KATNIP: variants seen among roughly 807,000 people sequenced by gnomAD.
KATNIP encodes the protein katanin-interacting protein.
A neutral mutation model predicts 174.0 loss-of-function variants in KATNIP; 126 were observed. That is an observed-to-expected ratio of 0.72 (90% confidence interval 0.63 to 0.84). The LOEUF (loss-of-function observed/expected upper bound fraction) is 0.84, where lower values mean the gene tolerates loss of function less well. Among genes scored for constraint, KATNIP ranks in the 40% least tolerant of loss-of-function variants. The pLI is 0.00. For synonymous variants in KATNIP, 810 were observed against 835.7 expected (o/e 0.97, Z 0.53); for missense variants, 1,958 against 2,109.7 (o/e 0.93, Z 1.41).
intron 13 of KATNIP, among the ~76,000 whole-genome samples, chr16:27,713,802 G>GTGTGTGTA (rs1381722732): frequency 4.3e-5 from 2 of 46,322 alleles, no homozygotes; most frequent in African/African-American, 2.0e-4. Context: ...GTGTGTGTGT[G>GTGTGTGTA]TATATACATA....
At chr16:27,615,029 G>T (rs2076000213) in intron 2 of KATNIP, among the ~76,000 whole-genome samples, 1 of 152,236 alleles carries the variant, frequency 6.6e-6, no homozygotes, top group Admixed American at 6.5e-5. Flanking sequence ...TTCCACAATT[G>T]AGGGCACAGG....
At chr16:27,639,818 C>T (rs2076742117) in intron 5 of KATNIP, among the ~76,000 whole-genome samples, 1 of 152,208 alleles carries the variant, frequency 6.6e-6, no homozygotes, top group South Asian at 2.1e-4. Flanking sequence ...AGTGACCTTG[C>T]ACAACACAGA....
intron 6 of KATNIP, among the ~76,000 whole-genome samples, chr16:27,662,059 T>TATATATACACATAC (rs1357721977): frequency 2.1e-5 from 2 of 95,322 alleles, no homozygotes; most frequent in African/African-American, 4.9e-5. Context: ...CATATATATA[T>TATATATACACATAC]ATATATATAT....
At chr16:27,646,393 C>T (rs141262335) in intron 5 of KATNIP, among the ~76,000 whole-genome samples, 4 of 152,274 alleles carry the variant, frequency 2.6e-5, no homozygotes, top group Non-Finnish European at 5.9e-5. Flanking sequence ...GCCTTAGGTC[C>T]GTTTCTATCC....
At chr16:27,598,871 G>T (rs2075422837) in intron 2 of KATNIP, among the ~76,000 whole-genome samples, 1 of 152,178 alleles carries the variant, frequency 6.6e-6, no homozygotes, top group Non-Finnish European at 1.5e-5. Context: ...GCTTTGGGGA[G>T]CCCACAGATC....
intron 7 of KATNIP, among the ~76,000 whole-genome samples, chr16:27,680,589 C>T (rs989533580): frequency 6.6e-6 from 1 of 152,150 alleles, no homozygotes; most frequent in Non-Finnish European, 1.5e-5. Context: ...TGCAGTGGCA[C>T]TATCATAACT....
chr16:27,762,957 A>G (rs947394031), intron 19 of KATNIP, among the ~76,000 whole-genome samples: 8 of 152,214 alleles, frequency 5.3e-5, no homozygotes, highest in African/African-American at 1.9e-4. Flanking sequence ...CTCTGTCAGT[A>G]TTTCAGTGTA....
intron 6 of KATNIP, among the ~76,000 whole-genome samples, chr16:27,670,778 A>G (rs2077867621): frequency 6.6e-6 from 1 of 152,218 alleles, no homozygotes; most frequent in Non-Finnish European, 1.5e-5. Context: ...TTAAACATAA[A>G]TGTAAACGTA....
At chr16:27,750,732 C>CTT (rs397854747) in intron 16 of KATNIP, among the ~76,000 whole-genome samples, 252 of 91,998 alleles carry the variant, frequency 2.7e-3, no homozygotes, top group Non-Finnish European at 3.2e-3. Flanking sequence ...GCGCCCAGCC[C>CTT]TTTTTTTTTT....
intron 3 of KATNIP, among the ~76,000 whole-genome samples, chr16:27,624,958 C>G (rs1450570047): frequency 6.6e-6 from 1 of 152,096 alleles, no homozygotes; most frequent in African/African-American, 2.4e-5. Context: ...TAACATTAGC[C>G]AGTGATAGTG....
intron 6 of KATNIP, among the ~76,000 whole-genome samples, chr16:27,668,625 C>T (rs2077772781): frequency 6.6e-6 from 1 of 152,242 alleles, no homozygotes; most frequent in Non-Finnish European, 1.5e-5. Flanking sequence ...TCTGCCATTA[C>T]TGGCCATGTG....
At position 27,740,726 on chromosome 16, in the gene KATNIP, A is replaced by G. The variant is rs772560666; in HGVS notation, c.2429A>G (p.His810Arg). The stretch of plus-strand genomic sequence containing the variant: ...GAGGCCAGGGATAAAGGCCTACGGC[A>G]TGAGCCAGGGTGGGGGACCAGCCGG... Reference protein sequence around the residue: ...ETEARDKGLRHEPGWGTSRSV... With the variant: ...ETEARDKGLRREPGWGTSRSV... Residue 810 changes from histidine (H) to arginine (R), a missense_variant, in exon 15 of 28, where the codon CAT becomes CGT. This residue lies in a region of KATNIP where 1,557 missense variants were observed against 1,617.8 expected (regional missense o/e 0.96). Transcript: ENST00000261588. 2 of 1,614,196 alleles carry G rather than the reference A, an allele frequency of 1.2e-6. No individual in the cohort carries two copies. The highest frequency in any genetic ancestry group is 2.2e-5 in the South Asian group (2 of 91,070).
At chr16:27,586,849 AC>A (rs1410124049) in intron 2 of KATNIP, among the ~76,000 whole-genome samples, 4 of 151,522 alleles carry the variant, frequency 2.6e-5, no homozygotes, top group African/African-American at 9.7e-5. Flanking sequence ...AAACAAAAAA[AC>A]AAAAAACAGA....
chr16:27,675,765 T>C (rs532723392), intron 6 of KATNIP, among the ~76,000 whole-genome samples: 2 of 152,292 alleles, frequency 1.3e-5, no homozygotes, highest in Admixed American at 1.3e-4. Context: ...TCAAAAGTCA[T>C]GTGGGACTCC....
intron 8 of KATNIP, among the ~76,000 whole-genome samples, chr16:27,695,636 G>A (rs1487294594): frequency 6.6e-6 from 1 of 152,172 alleles, no homozygotes; most frequent in African/African-American, 2.4e-5. Flanking sequence ...GGGGGACTTG[G>A]TATCTCTGGT....
intron 2 of KATNIP, among the ~76,000 whole-genome samples, chr16:27,605,357 G>T (rs1315250947): frequency 6.6e-6 from 1 of 152,158 alleles, no homozygotes; most frequent in African/African-American, 2.4e-5. Context: ...CACTGGACAT[G>T]GATTGAAAAT....
chr16:27,609,442 G>C (rs1402776673), intron 2 of KATNIP, among the ~76,000 whole-genome samples: 1 of 117,116 alleles, frequency 8.5e-6, no homozygotes, highest in African/African-American at 3.3e-5. Context: ...CCAGGCCAAA[G>C]TGCAGTGGCG....
At chr16:27,587,329 G>T (rs2090941196) in intron 2 of KATNIP, among the ~76,000 whole-genome samples, 1 of 152,192 alleles carries the variant, frequency 6.6e-6, no homozygotes, top group South Asian at 2.1e-4. Flanking sequence ...GGAGTAGCTG[G>T]GGTTGGGGTA....
chr16:27,692,612 G>A (rs776766500), intron 8 of KATNIP, among the ~76,000 whole-genome samples: 31 of 151,994 alleles, frequency 2.0e-4, no homozygotes, highest in Non-Finnish European at 3.2e-4. Flanking sequence ...TGTTCCAGGC[G>A]AAGGGAAGAG....
Sources: allele counts gnomAD v4.1 joint callset (sites outside exome capture counted in the v4.1 genomes callset), GRCh38; gene constraint gnomAD v4.1.1; regional missense constraint gnomAD v4.1.1; transcripts MANE v1.5; gene names NCBI Gene and HGNC (gene_info 2026-07-23, HGNC 2026-07-21).